Variants in BBOX1 observed in about 807,000 individuals in gnomAD.
BBOX1 encodes gamma-butyrobetaine dioxygenase.
Under a neutral mutation model 41.6 loss-of-function variants are expected in BBOX1, and 35 were observed. That is an observed-to-expected ratio of 0.84 (90% CI 0.64 to 1.11). The LOEUF (loss-of-function observed/expected upper bound fraction) is 1.11, where lower values mean the gene tolerates loss of function less well. BBOX1 is among the 50% of genes most tolerant of loss of function. The pLI, the probability that BBOX1 is intolerant of heterozygous loss-of-function variation, is 0.00. For synonymous variants in BBOX1, 163 were observed against 154.7 expected, an observed-to-expected ratio of 1.05 and a Z score of -0.40; for missense variants, 458 against 460.6, an observed-to-expected ratio of 0.99 and a Z score of 0.05.
chr11:27,087,515 A>G (rs1858087815), intron 4 of BBOX1, among the ~76,000 whole-genome samples: 1 of 152,144 alleles, frequency 6.6e-6, no homozygotes. Context: ...CTACAGTATA[A>G]TGTAAACATA....
At chr11:27,055,758 T>C in intron 3 of BBOX1, 109 bp downstream of exon 3, 1 of 964,532 alleles carries the variant, frequency 1.0e-6, no homozygotes, top group South Asian at 1.7e-5. Context: ...TATAACCGCA[T>C]ATGAACCCAC....
intron 5 of BBOX1, among the ~76,000 whole-genome samples, chr11:27,113,918 A>G (rs947952436): frequency 2.6e-5 from 4 of 151,836 alleles, no homozygotes; most frequent in Non-Finnish European, 4.4e-5. Flanking sequence ...GAGCGATTAG[A>G]CAATAGAAAT....
chr11:27,074,740 A>G (rs1332243658), intron 4 of BBOX1, among the ~76,000 whole-genome samples: 1 of 152,236 alleles, frequency 6.6e-6, no homozygotes, highest in East Asian at 1.9e-4. Context: ...TGATAGTTAC[A>G]TTTAAAAGGG....
At chr11:27,059,659 G>T (rs1290438680) in intron 4 of BBOX1, among the ~76,000 whole-genome samples, 5 of 152,164 alleles carry the variant, frequency 3.3e-5, no homozygotes, top group African/African-American at 1.2e-4. Flanking sequence ...AAAGCCATAG[G>T]GGCAGAGCTG....
intron 4 of BBOX1, among the ~76,000 whole-genome samples, chr11:27,069,848 G>A (rs1462377620): frequency 2.6e-5 from 4 of 151,962 alleles, no homozygotes; most frequent in Admixed American, 2.0e-4. Context: ...TTACCTAAAG[G>A]GATGCTGAAT....
At chr11:27,083,473 A>G (rs1857926230) in intron 4 of BBOX1, among the ~76,000 whole-genome samples, 1 of 152,122 alleles carries the variant, frequency 6.6e-6, no homozygotes, top group African/African-American at 2.4e-5. Context: ...TTCAAGCAAG[A>G]CAATTCCCAT....
In BBOX1 at chr11:27,045,169, T is replaced by C. The variant is rs549966271; in HGVS notation, c.-39+3691T>C. On this transcript the variant is annotated intron_variant, in intron 2 of 8. Transcript: ENST00000263182. ...ATCCCTTCTAACTTGGATTCCTAGA[T>C]ATTTTATTCTCTTTGAAGCAATTGT... Among the ~76,000 whole-genome samples, 135 of 152,294 alleles carry C rather than the reference T, an allele frequency of 8.9e-4. 1 individual carries two copies. In the South Asian group the frequency reaches 9.3e-3, roughly 11 times the overall value.
At chr11:27,120,573 T>C (rs1859427690) in intron 7 of BBOX1, among the ~76,000 whole-genome samples, 1 of 152,234 alleles carries the variant, frequency 6.6e-6, no homozygotes, top group East Asian at 1.9e-4. Context: ...CATTTTGTAT[T>C]CTCCCTTTCT....
rs1859620917 is a variant in BBOX1, at chr11:27,125,525, A to G, written c.837-129A>G. On this transcript the variant is annotated intron_variant, in intron 7 of 8. Transcript: ENST00000263182. ...ACATTGCACCACAGGTAGCCTTAAT[A>G]TCTTCTGTACATGTATTTGGATTTT... 3 of 740,008 alleles carry G rather than the reference A, an allele frequency of 4.1e-6. No homozygotes were observed. The East Asian group carries it at 8.8e-5, about 22-fold the overall frequency. The allele number at this position is 740,008 out of a possible 1,614,324, so 45.8% of individuals were successfully genotyped here.
At chr11:27,089,862 A>G (rs1439900971) in intron 4 of BBOX1, among the ~76,000 whole-genome samples, 3 of 152,140 alleles carry the variant, frequency 2.0e-5, no homozygotes, top group African/African-American at 7.2e-5. Context: ...CTAAAACCCA[A>G]ATGACCTTTC....
chr11:27,125,850 A>G (rs780011312), intron 8 of BBOX1, 30 bp downstream of exon 8: 3 of 1,591,620 alleles, frequency 1.9e-6, no homozygotes, highest in Non-Finnish European at 2.6e-6. Flanking sequence ...CAAATAACCA[A>G]AAGCATGGAT....
At position 27,127,401 on chromosome 11, in the gene BBOX1, T is replaced by C. The variant is rs765302416; in HGVS notation, c.1112T>C (p.Val371Ala). Residue 371 changes from valine to alanine, a missense_variant, in exon 9 of 9, where the codon GTG becomes GCG. Physicochemically the swap from Val to Ala is moderately conservative, Grantham distance 64 (BLOSUM62 0). Coordinates refer to ENST00000263182, the MANE Select transcript of BBOX1 (RefSeq NM_003986.3). ...HLEGAYADWDVVMSRLRILRQ... is the reference protein window; with the variant it reads ...HLEGAYADWDAVMSRLRILRQ... ...GAAGGAGCTTATGCTGACTGGGATGTGGTCATGTCAAGGCTTCGTATCTTA... is the reference window on the plus strand; with the variant it reads ...GAAGGAGCTTATGCTGACTGGGATGCGGTCATGTCAAGGCTTCGTATCTTA... The C allele has an allele frequency of 2.5e-6, 4 of 1,614,118 alleles. No individual in the cohort carries two copies. Among genetic ancestry groups the C allele is most frequent in the Non-Finnish European group, 2.5e-6 (3 of 1,180,006 alleles).
At chr11:27,057,351 C>T in intron 4 of BBOX1, 36 bp downstream of exon 4, 10 of 1,487,212 alleles carry the variant, frequency 6.7e-6, no homozygotes, top group Non-Finnish European at 8.3e-6. Flanking sequence ...CTTTTTAAAC[C>T]CTTACAGTAA....
intron 5 of BBOX1, among the ~76,000 whole-genome samples, chr11:27,095,530 T>G (rs1283712707): frequency 2.0e-5 from 3 of 151,974 alleles, no homozygotes; most frequent in Non-Finnish European, 2.9e-5. Flanking sequence ...CCTTGCCACC[T>G]AACCAGATAA....
At chr11:27,122,646 GACAACACTGTAGTAGTATTCCC>G (rs1406268591) in intron 7 of BBOX1, among the ~76,000 whole-genome samples, 1 of 152,218 alleles carries the variant, frequency 6.6e-6, no homozygotes, top group East Asian at 1.9e-4. Flanking sequence ...TGACATGGTA[GACAACACTGTAGTAGTATTCCC>G]ACAACAAATA....
At chr11:27,054,205 CTGTGTGTGTG>C (rs57324926) in intron 2 of BBOX1, among the ~76,000 whole-genome samples, 1 of 139,376 alleles carries the variant, frequency 7.2e-6, no homozygotes, top group African/African-American at 2.6e-5. Context: ...GTGTGTGTGT[CTGTGTGTGTG>C]TGTGTGTGTG....
chr11:27,084,734 G>C (rs1422506152), intron 4 of BBOX1, among the ~76,000 whole-genome samples: 1 of 152,122 alleles, frequency 6.6e-6, no homozygotes, highest in African/African-American at 2.4e-5. Flanking sequence ...TTTAACTAAA[G>C]AGCTTCTTTG....
chr11:27,111,187 C>T (rs1205614895), intron 5 of BBOX1, among the ~76,000 whole-genome samples: 1 of 151,816 alleles, frequency 6.6e-6, no homozygotes, highest in African/African-American at 2.4e-5. Flanking sequence ...AACAAAATCA[C>T]AGCCTTTGCA....
chr11:27,077,629 A>C (rs1385252190), intron 4 of BBOX1, among the ~76,000 whole-genome samples: 2 of 151,578 alleles, frequency 1.3e-5, no homozygotes, highest in Non-Finnish European at 2.9e-5. Flanking sequence ...AAAAAAAAAA[A>C]AAAACCAAAA....
Sources: gnomAD v4.1 joint callset for allele counts (sites outside exome capture counted in the v4.1 genomes callset) on GRCh38, gnomAD v4.1.1 for gene constraint, MANE v1.5 for transcripts, NCBI Gene and HGNC (gene_info 2026-07-23, HGNC 2026-07-21) for gene names.